The following UNC79 variants were observed in gnomAD, a reference collection of about 807,000 sequenced individuals.
UNC79 encodes protein unc-79 homolog.
UNC79 carries 37 observed loss-of-function variants against 283.1 expected under a neutral mutation model. That is an observed-to-expected ratio of 0.13 (90% CI 0.10 to 0.17). The LOEUF (loss-of-function observed/expected upper bound fraction) is 0.17, where lower values mean the gene tolerates loss of function less well. Among genes scored for constraint, UNC79 ranks in the 10% least tolerant of loss-of-function variants. The probability of loss-of-function intolerance (pLI) is 1.00; values close to 1 mark genes in which losing one functional copy is unlikely to be tolerated. For missense variants in UNC79, 2,272 were observed against 3,211.1 expected, an observed-to-expected ratio of 0.71 and a Z score of 7.07; for synonymous variants, 1,107 against 1,200.2, an observed-to-expected ratio of 0.92 and a Z score of 1.61.
intron 1 of UNC79, among the ~76,000 whole-genome samples, chr14:93,346,557 G>A (rs1426266852): frequency 6.6e-6 from 1 of 152,178 alleles, no homozygotes; most frequent in Non-Finnish European, 1.5e-5. Context: ...CACTCTATTT[G>A]ACCCTGCCAT....
chr14:93,460,886 A>G (rs1280275685), intron 1 of UNC79, among the ~76,000 whole-genome samples: 2 of 152,204 alleles, frequency 1.3e-5, no homozygotes, highest in Non-Finnish European at 2.9e-5. Context: ...GTAAGAGAAA[A>G]GAAAAGAATA....
Position 93,474,909 on chromosome 14 carries a change from A to G in UNC79, c.448+516A>G, listed in dbSNP as rs1168290529. Among the ~76,000 whole-genome samples the G allele has an allele frequency of 6.6e-6, 1 of 152,220 alleles. No homozygotes were observed. The highest frequency in any genetic ancestry group is 1.5e-5 in the Non-Finnish European group (1 of 68,022). ...CTCTTCCAAATGTAAACAACAATCAATAGTTATTACAAAATGTTGTATCAA... is the reference window on the plus strand; with the variant it reads ...CTCTTCCAAATGTAAACAACAATCAGTAGTTATTACAAAATGTTGTATCAA... On this transcript the variant is annotated intron_variant, in intron 3 of 48. Transcript: ENST00000555664. This position sits in a 1 kb window ranked among gnomAD's most constrained non-coding sequence, Gnocchi z 4.1.
intron 26 of UNC79, among the ~76,000 whole-genome samples, chr14:93,604,178 C>T (rs2065720479): frequency 6.6e-6 from 1 of 152,014 alleles, no homozygotes; most frequent in South Asian, 2.1e-4. Context: ...AAATATATTA[C>T]TAACTTGTAA....
At chr14:93,412,800 C>T (rs2055361435) in intron 1 of UNC79, among the ~76,000 whole-genome samples, 1 of 151,934 alleles carries the variant, frequency 6.6e-6, no homozygotes, top group Non-Finnish European at 1.5e-5. Context: ...TGAAAATATC[C>T]TTCAAACATG....
chr14:93,382,767 C>T (rs536487407), intron 1 of UNC79, among the ~76,000 whole-genome samples: 2 of 150,860 alleles, frequency 1.3e-5, no homozygotes, highest in Non-Finnish European at 3.0e-5. Flanking sequence ...ATTCCAGATT[C>T]CATCCATTTT....
At chr14:93,334,295 T>C (rs2053526641) in intron 1 of UNC79, among the ~76,000 whole-genome samples, 1 of 152,254 alleles carries the variant, frequency 6.6e-6, no homozygotes, top group Non-Finnish European at 1.5e-5. Flanking sequence ...TTCCAATTTG[T>C]ATTACTTCAT....
chr14:93,576,560 T>C (rs2063488382), intron 17 of UNC79, among the ~76,000 whole-genome samples: 1 of 152,152 alleles, frequency 6.6e-6, no homozygotes, highest in Non-Finnish European at 1.5e-5. Flanking sequence ...ATTCTTCCTA[T>C]AGTATTATGG....
intron 40 of UNC79, among the ~76,000 whole-genome samples, chr14:93,670,684 T>C (rs1048477219): frequency 6.6e-6 from 1 of 152,148 alleles, no homozygotes; most frequent in Non-Finnish European, 1.5e-5. Flanking sequence ...CCATTGACCA[T>C]TGGTGATCAA....
intron 47 of UNC79, among the ~76,000 whole-genome samples, chr14:93,701,800 G>T (rs1199440256): frequency 1.3e-5 from 2 of 152,158 alleles, no homozygotes; most frequent in African/African-American, 4.8e-5. Flanking sequence ...TCCCTTGCAG[G>T]TATATTTTAG....
At chr14:93,679,868 C>T (rs1193154518) in intron 41 of UNC79, among the ~76,000 whole-genome samples, 1 of 152,134 alleles carries the variant, frequency 6.6e-6, no homozygotes, top group African/African-American at 2.4e-5. Context: ...ATTTCCTTCC[C>T]TGATTCTTGT....
chr14:93,508,335 A>G (rs2059651762), intron 7 of UNC79, among the ~76,000 whole-genome samples: 1 of 152,186 alleles, frequency 6.6e-6, no homozygotes, highest in Non-Finnish European at 1.5e-5. Context: ...TCTGGGCAAC[A>G]TGGTGAGACC....
rs1432895241 is a variant in UNC79, at chr14:93,348,513, G to A, written c.-351+14990G>A. Among the ~76,000 whole-genome samples the A allele has an allele frequency of 6.6e-5, 10 of 152,100 alleles. No homozygotes were observed. The East Asian group carries it at 1.9e-3, about 29-fold the overall frequency. On this transcript the variant is annotated intron_variant, in intron 1 of 49. Coordinates refer to the UNC79 transcript ENST00000256339. ...TCACCCTTAAAAGATTAGATGTGTA[G>A]CTGTGAGGTAATATAAGTTTAGCTA...
chr14:93,624,013 C>T (rs7161295), intron 30 of UNC79, among the ~76,000 whole-genome samples: 87,321 of 152,062 alleles, frequency 0.57, 26,542 homozygotes, highest in Non-Finnish European at 0.68. Context: ...GTCTTAAAGA[C>T]CTCTAGCCTA....
At chr14:93,457,453 A>C (rs1448352627) in intron 1 of UNC79, among the ~76,000 whole-genome samples, 1 of 152,246 alleles carries the variant, frequency 6.6e-6, no homozygotes, top group Non-Finnish European at 1.5e-5. Flanking sequence ...AAGAACTCTT[A>C]GGAGTTAGCC....
chr14:93,494,301 C>G (rs2058913783), intron 5 of UNC79, among the ~76,000 whole-genome samples: 1 of 152,156 alleles, frequency 6.6e-6, no homozygotes, highest in Non-Finnish European at 1.5e-5. Context: ...ATGATCCAAT[C>G]ACCTTCTGCC....
chr14:93,560,608 C>A (rs1282413959), intron 14 of UNC79, among the ~76,000 whole-genome samples: 2 of 151,896 alleles, frequency 1.3e-5, no homozygotes, highest in African/African-American at 4.8e-5. Flanking sequence ...TCTTTTTTGT[C>A]ATCTCAGTGT....
rs538260351 is a variant in UNC79, at chr14:93,659,785, T to G, written c.6525+524T>G. ...ATCATATGGCAGACATTATGCTTAA[T>G]GCTTCAGATATATAATCTTATTTAA... On this transcript the variant is annotated intron_variant, in intron 39 of 48. Transcript: ENST00000555664. Among the ~76,000 whole-genome samples, 20 of 152,364 alleles carry G rather than the reference T, an allele frequency of 1.3e-4. No individual in the cohort carries two copies. The East Asian group carries it at 3.9e-3, about 29-fold the overall frequency.
intron 5 of UNC79, among the ~76,000 whole-genome samples, chr14:93,492,322 T>C (rs2058766816): frequency 6.6e-6 from 1 of 150,956 alleles, no homozygotes; most frequent in African/African-American, 2.4e-5. Context: ...TTTGCGTCAC[T>C]TGGGCCAAGG....
intron 14 of UNC79, among the ~76,000 whole-genome samples, chr14:93,559,473 C>T (rs900475320): frequency 1.3e-5 from 2 of 152,080 alleles, no homozygotes; most frequent in African/African-American, 2.4e-5. Context: ...TGCAGGTGGG[C>T]TGAGTCCAAA....
Sources: allele counts gnomAD v4.1 joint callset (sites outside exome capture counted in the v4.1 genomes callset), GRCh38; gene constraint gnomAD v4.1.1; non-coding constraint Gnocchi (gnomAD v3.1); transcripts MANE v1.5; gene names NCBI Gene and HGNC (gene_info 2026-07-23, HGNC 2026-07-21).